Variants in NPTX1 observed in about 807,000 individuals in gnomAD.
The protein encoded by NPTX1 is neuronal pentraxin 1, also known as neuronal pentraxin-1.
NPTX1 carries 12 observed loss-of-function variants against 38.7 expected under a neutral mutation model. That is an observed-to-expected ratio of 0.31 (90% CI 0.20 to 0.50). The LOEUF is 0.50. NPTX1 is among the 20% of genes least tolerant of loss of function. NPTX1 has a pLI of 0.98. For synonymous variants in NPTX1, 272 were observed against 264.9 expected (o/e 1.03, Z -0.26); for missense variants, 454 against 592.2 (o/e 0.77, Z 2.42).
Position 80,466,955 on chromosome 17 carries a change from G to A in NPTX1, c.*3858C>T, listed in dbSNP as rs1227983419. On this transcript the variant is annotated 3_prime_UTR_variant, in exon 5 of 5. Coordinates refer to ENST00000306773, the MANE Select transcript of NPTX1 (RefSeq NM_002522.4). ...GAAATAGTGCATTTCCAGAATTGCT[G>A]ATGGGAGGTGGCAGGTCCCATGGTT... 2.7e-5 allele frequency among the ~76,000 whole-genome samples: 4 copies of A among 150,836 alleles called. 1 individual carries two copies. In the South Asian group the frequency reaches 8.4e-4, roughly 32 times the overall value.
rs2083873759 is a variant in NPTX1, at chr17:80,475,445, C to G, written c.652+66G>C. 8.1e-6 allele frequency: 11 copies of G among 1,359,240 alleles called. No homozygotes were observed. In the South Asian group the frequency reaches 1.4e-4, roughly 18 times the overall value. 84.2% of individuals were successfully genotyped at this position (1,359,240 alleles called of 1,614,324 possible). ...AGTGCAGAGCTGGGCTGTTAGGGAT[C>G]GGGACCGAGGCAGGGTCGGGCAAGC... On this transcript the variant is annotated intron_variant, in intron 2 of 4. Coordinates refer to ENST00000306773, the MANE Select transcript of NPTX1 (RefSeq NM_002522.4). The surrounding 1 kb of genome is among the most constrained non-coding windows in gnomAD (Gnocchi z 6.5).
Position 80,476,549 on chromosome 17 carries a change from G to C in NPTX1, c.-103C>G, listed in dbSNP as rs1568276548. On this transcript the variant is annotated 5_prime_UTR_variant, in exon 1 of 5. Transcript: ENST00000306773. The surrounding 1 kb of genome is among the most constrained non-coding windows in gnomAD (Gnocchi z 6.3). ...TGGCTCCGCGAGCGGCCCGCGCTCT[G>C]GGCGCCGCGCTCTTCGGCCGCGCGG... 2 of 563,946 alleles carry C rather than the reference G, an allele frequency of 3.5e-6. No individual in the cohort carries two copies. The highest frequency in any genetic ancestry group is 1.4e-4 in the East Asian group (1 of 7,278). 34.9% of individuals were successfully genotyped at this position (563,946 alleles called of 1,614,324 possible).
intron 3 of NPTX1, among the ~76,000 whole-genome samples, chr17:80,472,375 T>C (rs997648226): frequency 6.6e-6 from 1 of 152,220 alleles, no homozygotes; most frequent in Non-Finnish European, 1.5e-5. Context: ...GGCAAGCTTT[T>C]GCCGAGGATC....
Position 80,475,710 on chromosome 17 carries a change from G to A in NPTX1, c.453C>T (p.Ser151=), listed in dbSNP as rs1356653879. 1.2e-6 allele frequency: 2 copies of A among 1,609,530 alleles called. No homozygotes were observed. Among genetic ancestry groups the A allele is most frequent in the African/African-American group, 2.7e-5 (2 of 74,908 alleles). Residue 151 remains serine, a synonymous_variant, in exon 2 of 5, where the codon AGC becomes AGT. Coordinates refer to ENST00000306773, the MANE Select transcript of NPTX1 (RefSeq NM_002522.4). The surrounding 1 kb of genome is among the most constrained non-coding windows in gnomAD (Gnocchi z 6.5). ...TGGTCTGGCTGGAGGAATTGAGGCG[G>A]CTGTACTGCTGCGGGGTGCAAGGGC... ...KTRLENLEQY[S]RLNSSSQTNS...
chr17:80,473,165 G>A (rs776001389), intron 3 of NPTX1, 35 bp downstream of exon 3: 26 of 1,600,738 alleles, frequency 1.6e-5, no homozygotes, highest in South Asian at 7.7e-5. Context: ...CTGGGGCCTC[G>A]CCCTGCCGCC....
chr17:80,469,254 G>GA lies in NPTX1; in HGVS notation c.*1558dup, dbSNP rs2083824776. The GA allele has an allele frequency of 6.6e-6, 1 of 152,396 alleles. No individual in the cohort carries two copies. The highest frequency in any genetic ancestry group is 2.1e-4 in the South Asian group (1 of 4,830). 9.4% of individuals were successfully genotyped at this position (152,396 alleles called of 1,614,324 possible). A position where few individuals can be genotyped will look rare whatever the true frequency, so the allele number is the denominator to read the frequency against. On this transcript the variant is annotated 3_prime_UTR_variant, in exon 5 of 5. Coordinates refer to ENST00000306773, the MANE Select transcript of NPTX1 (RefSeq NM_002522.4). ...AAAGACTTGTCAGCGGTTTGCTGATGAGACTCCTGGAGACAGAGTCGGGGT... is the reference window on the plus strand; with the variant it reads ...AAAGACTTGTCAGCGGTTTGCTGATGAAGACTCCTGGAGACAGAGTCGGGGT...
At chr17:80,473,520 C>A in intron 2 of NPTX1, 76 bp from the exon 3 acceptor site, 2 of 1,490,078 alleles carry the variant, frequency 1.3e-6, no homozygotes, top group South Asian at 1.2e-5. Context: ...CGGTCCCCAC[C>A]AAGCTCTGTG....
At chr17:80,472,991 C>T (rs1407456619) in intron 3 of NPTX1, among the ~76,000 whole-genome samples, 2 of 152,226 alleles carry the variant, frequency 1.3e-5, no homozygotes, top group Non-Finnish European at 2.9e-5. Flanking sequence ...CGGGAAGGTC[C>T]AGCTCTCCCT....
chr17:80,469,913 G>C lies in NPTX1; in HGVS notation c.*900C>G, dbSNP rs946805138. On this transcript the variant is annotated 3_prime_UTR_variant, in exon 5 of 5. Transcript: ENST00000306773. ...TCTCAGGGCCCTCTGGGCTGAAGCA[G>C]TGCAGCACAGCTCCAGAGGTGAGAA... 2 of 152,350 alleles carry C rather than the reference G, an allele frequency of 1.3e-5. No individual in the cohort carries two copies. The highest frequency in any genetic ancestry group is 3.9e-4 in the East Asian group (2 of 5,192). The allele number at this position is 152,350 out of a possible 1,614,324, so 9.4% of individuals were successfully genotyped here.
chr17:80,475,733 G>GGCGGGGGAAACCACACCGTTAGGCGAGGC lies in NPTX1; in HGVS notation c.445-44_445-16dup, dbSNP rs2083876607. On this transcript the variant is annotated splice_polypyrimidine_tract_variant and intron_variant, in intron 1 of 4. Coordinates refer to ENST00000306773, the MANE Select transcript of NPTX1 (RefSeq NM_002522.4). This position sits in a 1 kb window ranked among gnomAD's most constrained non-coding sequence, Gnocchi z 6.5. ...CGGCTGTACTGCTGCGGGGTGCAAG[G>GGCGGGGGAAACCACACCGTTAGGCGAGGC]GCGGGGGAAACCACACCGTTAGGCG... 6.3e-7 allele frequency: 1 copy of GGCGGGGGAAACCACACCGTTAGGCGAGGC among 1,591,786 alleles called. No individual in the cohort carries two copies. Among genetic ancestry groups the GGCGGGGGAAACCACACCGTTAGGCGAGGC allele is most frequent in the Admixed American group, 1.7e-5 (1 of 59,822 alleles).
Position 80,471,130 on chromosome 17 carries a change from G to A in NPTX1, c.1078-96C>T, listed in dbSNP as rs185328829. ...GATCTGAGTGCCTCTGTGCCTGCCC[G>A]ATCACGGACTCTCACGGACACTCCT... is the stretch of plus-strand genomic sequence containing the variant. On this transcript the variant is annotated intron_variant, in intron 4 of 4. Coordinates refer to ENST00000306773, the MANE Select transcript of NPTX1 (RefSeq NM_002522.4). 8.8e-4 allele frequency: 825 copies of A among 939,534 alleles called. 9 individuals carry two copies. In the East Asian group the frequency reaches 0.016, roughly 19 times the overall value. The allele number at this position is 939,534 out of a possible 1,614,324, so 58.2% of individuals were successfully genotyped here. A position where few individuals can be genotyped will look rare whatever the true frequency, so the allele number is the denominator to read the frequency against.
chr17:80,475,744 C>T lies in NPTX1; in HGVS notation c.445-26G>A. 1.3e-6 allele frequency: 2 copies of T among 1,562,558 alleles called. No individual in the cohort carries two copies. Among genetic ancestry groups the T allele is most frequent in the Non-Finnish European group, 1.8e-6 (2 of 1,141,372 alleles). On this transcript the variant is annotated intron_variant, in intron 1 of 4. Coordinates refer to ENST00000306773, the MANE Select transcript of NPTX1 (RefSeq NM_002522.4). This position sits in a 1 kb window ranked among gnomAD's most constrained non-coding sequence, Gnocchi z 6.5. ...CTGCGGGGTGCAAGGGCGGGGGAAA[C>T]CACACCGTTAGGCGAGGCGCGGGGA...
chr17:80,475,907 G>T lies in NPTX1; in HGVS notation c.444+96C>A. The T allele has an allele frequency of 9.0e-7, 1 of 1,111,282 alleles. No individual in the cohort carries two copies. The highest frequency in any genetic ancestry group is 1.6e-5 in the South Asian group (1 of 63,842). 68.8% of individuals were successfully genotyped at this position (1,111,282 alleles called of 1,614,324 possible). ...CCGGGCACCCGCGCGGCTGAGGCGA[G>T]GGCGGGGGATGCCTGGCCGGGTAGG... On this transcript the variant is annotated intron_variant, in intron 1 of 4. Transcript: ENST00000306773. The surrounding 1 kb of genome is among the most constrained non-coding windows in gnomAD (Gnocchi z 6.5).
intron 3 of NPTX1, among the ~76,000 whole-genome samples, 171 bp from the exon 4 acceptor site, chr17:80,472,082 C>T (rs1327321972): frequency 6.6e-6 from 1 of 152,238 alleles, no homozygotes; most frequent in Non-Finnish European, 1.5e-5. Flanking sequence ...GTCAGCCCCG[C>T]CTGGGCGTGG....
Position 80,469,509 on chromosome 17 carries a change from C to G in NPTX1, c.*1304G>C, listed in dbSNP as rs2083826632. ...AAAGGCAAAAAGGTTCTGGACACTGCTCAGGTGTCAGTGTCGCCGGCCAGT... is the reference window on the plus strand; with the variant it reads ...AAAGGCAAAAAGGTTCTGGACACTGGTCAGGTGTCAGTGTCGCCGGCCAGT... On this transcript the variant is annotated 3_prime_UTR_variant, in exon 5 of 5. Transcript: ENST00000306773. The G allele has an allele frequency of 1.3e-5, 2 of 152,292 alleles. No individual in the cohort carries two copies. The allele number at this position is 152,292 out of a possible 1,614,324, so 9.4% of individuals were successfully genotyped here. A position where few individuals can be genotyped will look rare whatever the true frequency, so the allele number is the denominator to read the frequency against.
At chr17:80,471,650 C>T (rs2083842757) in intron 4 of NPTX1, 82 bp downstream of exon 4, 1 of 1,527,040 alleles carries the variant, frequency 6.5e-7, no homozygotes, top group African/African-American at 1.4e-5. Flanking sequence ...CCGGCTACCT[C>T]CCTCCCTCCT....
rs1449556660 is a variant in NPTX1 at position 80,475,577 on chromosome 17, C to T, written c.586G>A (p.Glu196Lys). Residue 196 changes from glutamate (E) to lysine (K), a missense_variant, in exon 2 of 5, where the codon GAG becomes AAG. Physicochemically the swap from Glu to Lys is moderately conservative, Grantham distance 56. Transcript: ENST00000306773. This position sits in a 1 kb window ranked among gnomAD's most constrained non-coding sequence, Gnocchi z 6.5. ...GCGGTCTCGATCTTGACCCTCTCCT[C>T]GGTGTCGTTCCTGGGGCCCCCCTTG... is the stretch of plus-strand genomic sequence containing the variant. ...EGKGGPRNDT[E>K]ERVKIETALT... The T allele has an allele frequency of 9.3e-6, 15 of 1,612,730 alleles. No individual in the cohort carries two copies. Among genetic ancestry groups the T allele is most frequent in the Non-Finnish European group, 1.2e-5 (14 of 1,179,890 alleles).
At chr17:80,471,313 T>C (rs1292102124) in intron 4 of NPTX1, among the ~76,000 whole-genome samples, 1 of 152,160 alleles carries the variant, frequency 6.6e-6, no homozygotes, top group African/African-American at 2.4e-5. Context: ...CCCTCAGCCA[T>C]GGACAACCAC....
Position 80,476,443 on chromosome 17 carries a change from G to T in NPTX1, c.4C>A (p.Pro2Thr). M[P>T]AGRAARTCAL... ...CAGGTGCGCGCGGCGCGGCCGGCCG[G>T]CATGGCTGCGGGCACCGGGCGCTCC... Residue 2 changes from proline to threonine, a missense_variant, in exon 1 of 5, where the codon CCG becomes ACG. Physicochemically the swap from Pro to Thr is conservative, Grantham distance 38 (BLOSUM62 -1). This residue lies in a region of NPTX1 where 288 missense variants were observed against 318.4 expected (regional missense o/e 0.90). Transcript: ENST00000306773. The surrounding 1 kb of genome is among the most constrained non-coding windows in gnomAD (Gnocchi z 6.3). 2.3e-6 allele frequency: 3 copies of T among 1,306,240 alleles called. No homozygotes were observed. Among genetic ancestry groups the T allele is most frequent in the Non-Finnish European group, 2.9e-6 (3 of 1,033,916 alleles). The allele number at this position is 1,306,240 out of a possible 1,614,324, so 80.9% of individuals were successfully genotyped here.
Sources: gnomAD v4.1 joint callset for allele counts (sites outside exome capture counted in the v4.1 genomes callset) on GRCh38, gnomAD v4.1.1 for gene constraint, gnomAD v4.1.1 regional missense constraint, Gnocchi (gnomAD v3.1) non-coding constraint, MANE v1.5 for transcripts, NCBI Gene and HGNC (gene_info 2026-07-23, HGNC 2026-07-21) for gene names.